Variants in WDFY4 observed in about 807,000 individuals in gnomAD.
WDFY4 encodes WDFY family member 4, also known as WD repeat- and FYVE domain-containing protein 4.
In WDFY4, 169 loss-of-function variants were observed where a neutral mutation model predicts 351.9. That is an observed-to-expected ratio of 0.48 (90% CI 0.42 to 0.55). The LOEUF (loss-of-function observed/expected upper bound fraction) is 0.55. Ranked by LOEUF, WDFY4 falls within the 20% of genes least tolerant of loss-of-function variation. The pLI is 0.00. For missense variants in WDFY4, 3,803 were observed against 3,935.6 expected (o/e 0.97, Z 0.90); for synonymous variants, 1,622 against 1,574.6 (o/e 1.03, Z -0.71).
At chr10:48,951,848 C>A (rs976563779) in intron 51 of WDFY4, among the ~76,000 whole-genome samples, 1 of 152,076 alleles carries the variant, frequency 6.6e-6, no homozygotes, top group African/African-American at 2.4e-5. Context: ...TCAGACCCAC[C>A]CGAGGTGGGG....
In WDFY4 at chr10:48,726,843, A is replaced by G. The variant is rs115242407; in HGVS notation, c.782-627A>G. 8.6e-3 allele frequency among the ~76,000 whole-genome samples: 1,306 copies of G among 152,314 alleles called. 21 individuals are homozygous for G. Among genetic ancestry groups the G allele is most frequent in the African/African-American group, 0.03 (1,243 of 41,560 alleles). On this transcript the variant is annotated intron_variant, in intron 6 of 61. Transcript: ENST00000325239. The stretch of plus-strand genomic sequence containing the variant: ...CTCAGAAGAGGCTTCTCTTGATGAG[A>G]GATTTCTAAAAACAGTGACCCATCC...
intron 47 of WDFY4, among the ~76,000 whole-genome samples, chr10:48,908,970 C>G (rs138942893): frequency 9.3e-4 from 141 of 152,250 alleles, no homozygotes; most frequent in African/African-American, 3.2e-3. Context: ...TTTTTCATAT[C>G]TATTATTTTT....
intron 47 of WDFY4, among the ~76,000 whole-genome samples, chr10:48,908,775 C>T (rs1402961003): frequency 6.6e-6 from 1 of 152,178 alleles, no homozygotes; most frequent in Non-Finnish European, 1.5e-5. Context: ...AGGACACTGA[C>T]ACTGGTACAT....
chr10:48,896,381 T>C lies in WDFY4; in HGVS notation c.7317-1073T>C, dbSNP rs534985319. ...CTATGGCCCCACTGGGAGTCAGAGA[T>C]GTTTAGGGGCAGCTCAGCTGAGAGC... On this transcript the variant is annotated intron_variant, in intron 44 of 61. Coordinates refer to ENST00000325239, the MANE Select transcript of WDFY4 (RefSeq NM_001394531.1). 2.8e-4 allele frequency among the ~76,000 whole-genome samples: 43 copies of C among 152,172 alleles called. No individual in the cohort carries two copies. The South Asian group carries it at 8.7e-3, about 31-fold the overall frequency.
In WDFY4 at chr10:48,805,367, T is replaced by C. The variant is rs973709599; in HGVS notation, c.4592T>C (p.Ile1531Thr). The C allele has an allele frequency of 1.3e-5, 20 of 1,549,626 alleles. No individual in the cohort carries two copies. Among genetic ancestry groups the C allele is most frequent in the Admixed American group, 7.8e-5 (4 of 50,980 alleles). ...ATCCCCTCCAAGATCTCCACCATCA[T>C]TGGCATCCTGGCCTGTCAGCTGAGG... ...SLIPSKISTI[I>T]GILACQLRGH... The change falls in exon 26 of 62, where the codon ATT becomes ACT. Residue 1531 changes from isoleucine to threonine, a missense_variant. Physicochemically the swap from Ile to Thr is moderately conservative, Grantham distance 89. Transcript: ENST00000325239.
In WDFY4 at chr10:48,813,944, C is replaced by A; in HGVS notation, c.5215-13C>A. 1.3e-6 allele frequency: 2 copies of A among 1,527,230 alleles called. No individual in the cohort carries two copies. Among genetic ancestry groups the A allele is most frequent in the Admixed American group, 2.1e-5 (1 of 47,896 alleles). The allele number at this position is 1,527,230 out of a possible 1,614,324, so 94.6% of individuals were successfully genotyped here. A position where few individuals can be genotyped will look rare whatever the true frequency, so the allele number is the denominator to read the frequency against. On this transcript the variant is annotated splice_polypyrimidine_tract_variant and intron_variant, in intron 30 of 61. Coordinates refer to ENST00000325239, the MANE Select transcript of WDFY4 (RefSeq NM_001394531.1). ...GCCGCAGGTCTGCTTACAGCTCCTG[C>A]CTCCTCTTCCAGGACAGCCTTGATG... is the stretch of plus-strand genomic sequence containing the variant.
At chr10:48,752,179 T>A (rs953486822) in intron 12 of WDFY4, among the ~76,000 whole-genome samples, 1 of 152,236 alleles carries the variant, frequency 6.6e-6, no homozygotes, top group African/African-American at 2.4e-5. Context: ...CTTCTCATAG[T>A]GTGGCCTGTA....
chr10:48,968,944 G>C (rs1590016569), intron 55 of WDFY4, 120 bp from the exon 56 acceptor site: 3 of 1,019,056 alleles, frequency 2.9e-6, no homozygotes, highest in Non-Finnish European at 4.3e-6. Flanking sequence ...TGCAGTGGGT[G>C]CTGTCCTTCC....
At chr10:48,963,215 C>T (rs964323512) in intron 53 of WDFY4, among the ~76,000 whole-genome samples, 1 of 152,348 alleles carries the variant, frequency 6.6e-6, no homozygotes, top group East Asian at 1.9e-4. Flanking sequence ...ACAGCCAGTG[C>T]CTGGCATCGT....
intron 23 of WDFY4, among the ~76,000 whole-genome samples, chr10:48,795,604 G>A (rs188768717): frequency 2.0e-5 from 3 of 150,152 alleles, no homozygotes; most frequent in African/African-American, 7.4e-5. Flanking sequence ...CGAAGGGCAC[G>A]TTGCAAGAAC....
Position 48,735,944 on chromosome 10 carries a change from G to A in WDFY4, c.1752G>A (p.Arg584=), listed in dbSNP as rs1475960807. The A allele has an allele frequency of 6.4e-7, 1 of 1,551,644 alleles. No homozygotes were observed. Among genetic ancestry groups the A allele is most frequent in the Non-Finnish European group, 8.7e-7 (1 of 1,147,016 alleles). ...IKIFLDDECY[R]EASLSILEQL... ...TCTTCCTGGATGACGAGTGCTACCG[G>A]GAGGCCTCGCTCAGCATCTTGGAGC... The change falls in exon 11 of 62, where the codon CGG becomes CGA. Residue 584 remains arginine, a synonymous_variant. Transcript: ENST00000325239.
intron 24 of WDFY4, chr10:48,802,612 C>A: frequency 2.2e-6 from 1 of 445,956 alleles, no homozygotes; most frequent in Non-Finnish European, 4.6e-6. Context: ...ATCAATTCTG[C>A]CCCAGAAGGA....
In WDFY4 at chr10:48,897,996, T is replaced by C. The variant is rs189807173; in HGVS notation, c.7437+422T>C. 3.3e-5 allele frequency among the ~76,000 whole-genome samples: 5 copies of C among 152,068 alleles called. No individual in the cohort carries two copies. In the East Asian group the frequency reaches 7.7e-4, roughly 24 times the overall value. ...TAAGACCTCCCTTGCTGACATACTC[T>C]CCCCCTTTCTCCCCAAGGTGCTCGC... is the stretch of plus-strand genomic sequence containing the variant. On this transcript the variant is annotated intron_variant, in intron 45 of 61. Transcript: ENST00000325239.
At position 48,943,343 on chromosome 10, in the gene WDFY4, G is replaced by A. The variant is rs912798026; in HGVS notation, c.7643G>A (p.Ser2548Asn). 6.4e-7 allele frequency: 1 copy of A among 1,551,642 alleles called. No homozygotes were observed. Among genetic ancestry groups the A allele is most frequent in the Middle Eastern group, 1.7e-4 (1 of 5,990 alleles). The change falls in exon 49 of 62, where the codon AGC (serine) becomes AAC (asparagine). Residue 2548 changes from serine to asparagine, a missense_variant. Around this residue, in one of 3 missense-constraint regions of WDFY4, gnomAD observed 3,054 missense variants for 3,148.6 expected, o/e 0.97. Coordinates refer to ENST00000325239, the MANE Select transcript of WDFY4 (RefSeq NM_001394531.1). ...MLQKWQKRDI[S>N]NFEYLMYLNT... ...CTCTTCTGGTAGAAAAGGGACATCA[G>A]CAATTTTGAGTATCTCATGTACCTC...
Position 48,810,562 on chromosome 10 carries a change from C to G in WDFY4, c.4871C>G (p.Pro1624Arg). ...GAAGAGATGTTTCTGAAACTGGGGC[C>G]TGACTGGTTCCTGCTGCTCCTGCAG... is the stretch of plus-strand genomic sequence containing the variant. ...SKEEMFLKLG[P>R]DWFLLLLQGH... The change falls in exon 29 of 62, where the codon CCT (proline) becomes CGT (arginine). Residue 1624 changes from proline to arginine, a missense_variant. This residue lies in a region of WDFY4 where 3,054 missense variants were observed against 3,148.6 expected (regional missense o/e 0.97). Transcript: ENST00000325239. The G allele has an allele frequency of 6.4e-7, 1 of 1,551,684 alleles. No individual in the cohort carries two copies. The highest frequency in any genetic ancestry group is 8.7e-7 in the Non-Finnish European group (1 of 1,146,986).
chr10:48,823,207 AC>A (rs2067884924), intron 35 of WDFY4: 7 of 1,303,342 alleles, frequency 5.4e-6, no homozygotes, highest in Non-Finnish European at 7.1e-6. Context: ...CAAGCTAGAG[AC>A]TTTTCCTGAC....
chr10:48,819,612 A>G (rs1565234817), intron 32 of WDFY4, among the ~76,000 whole-genome samples: 1 of 152,148 alleles, frequency 6.6e-6, no homozygotes, highest in Non-Finnish European at 1.5e-5. Context: ...ATCTGGGGTA[A>G]TGACCCCTGT....
chr10:48,734,663 A>G (rs1670592562), intron 10 of WDFY4, among the ~76,000 whole-genome samples: 1 of 151,948 alleles, frequency 6.6e-6, no homozygotes, highest in Non-Finnish European at 1.5e-5. Context: ...GCAGAGAGAG[A>G]GTCTTTAACA....
intron 10 of WDFY4, among the ~76,000 whole-genome samples, chr10:48,735,364 G>T (rs2064621033): frequency 6.6e-6 from 1 of 152,174 alleles, no homozygotes; most frequent in South Asian, 2.1e-4. Context: ...AGCTTAAATT[G>T]TGGTTTGCTT....
Sources: gnomAD v4.1 joint callset for allele counts (sites outside exome capture counted in the v4.1 genomes callset) on GRCh38, gnomAD v4.1.1 for gene constraint, gnomAD v4.1.1 regional missense constraint, MANE v1.5 for transcripts, NCBI Gene and HGNC (gene_info 2026-07-23, HGNC 2026-07-21) for gene names.